Variants in INPP4A observed in about 807,000 individuals in gnomAD.
The protein encoded by INPP4A is inositol polyphosphate-4-phosphatase, type I, 107kD.
Under a neutral mutation model 119.8 loss-of-function variants are expected in INPP4A, and 33 were observed. The ratio of observed to expected loss-of-function variants is 0.28; its 90% CI spans 0.21 to 0.37. INPP4A has a LOEUF of 0.37. Among genes scored for constraint, INPP4A ranks in the 10% least tolerant of loss-of-function variants. INPP4A has a pLI of 1.00. For missense variants in INPP4A, 956 were observed against 1,289.9 expected (o/e 0.74, Z 3.97); for synonymous variants, 496 against 500.7 (o/e 0.99, Z 0.12).
At chr2:98,494,168 C>G (rs1420284453) in intron 1 of INPP4A, among the ~76,000 whole-genome samples, 3 of 152,144 alleles carry the variant, frequency 2.0e-5, no homozygotes, top group Non-Finnish European at 4.4e-5. Flanking sequence ...GTTCCCTTTC[C>G]CCTAAGTTCC....
intron 1 of INPP4A, among the ~76,000 whole-genome samples, chr2:98,499,032 T>C (rs910742140): frequency 6.6e-5 from 10 of 152,236 alleles, no homozygotes; most frequent in African/African-American, 2.4e-4. Context: ...GGAATCTCAA[T>C]GCTCTTTTTG....
At chr2:98,576,417 G>A (rs1338480238) in intron 23 of INPP4A, among the ~76,000 whole-genome samples, 1 of 152,202 alleles carries the variant, frequency 6.6e-6, no homozygotes, top group Non-Finnish European at 1.5e-5. Context: ...ATGGCGGGAG[G>A]AGGCCTGTGG....
In INPP4A at chr2:98,533,406, G is replaced by C. The variant is rs555202243; in HGVS notation, c.181G>C (p.Asp61His). ...CAGTGAGCTGCATACTCCATCGCTA[G>C]ATCGAAAGCCAAATAGTTTTGTTGC... ...ACSELHTPSL[D>H]RKPNSFVAVS... Residue 61 changes from aspartate (D) to histidine (H), a missense_variant, in exon 5 of 25, where the codon GAT becomes CAT. By Grantham distance (81) the Asp-to-His change is moderately conservative. Around this residue, in one of 2 missense-constraint regions of INPP4A, gnomAD observed 652 missense variants for 797.9 expected, o/e 0.82. Transcript: ENST00000409851. The C allele has an allele frequency of 2.5e-6, 4 of 1,613,552 alleles. No homozygotes were observed. In the African/African-American group the frequency reaches 4.0e-5, roughly 16 times the overall value.
chr2:98,558,692 C>G (rs971227724), intron 16 of INPP4A, among the ~76,000 whole-genome samples: 2 of 152,208 alleles, frequency 1.3e-5, no homozygotes, highest in African/African-American at 4.8e-5. Context: ...TAAATGTTTT[C>G]TTCCATGATT....
chr2:98,474,752 G>C (rs1351625829), intron 1 of INPP4A, among the ~76,000 whole-genome samples: 1 of 152,188 alleles, frequency 6.6e-6, no homozygotes, highest in Non-Finnish European at 1.5e-5. Flanking sequence ...ATAGTTACAG[G>C]TTGGTGTTTT....
At chr2:98,553,363 T>TAA (rs1693893123) in intron 14 of INPP4A, among the ~76,000 whole-genome samples, 1 of 151,392 alleles carries the variant, frequency 6.6e-6, no homozygotes, top group Admixed American at 6.6e-5. Flanking sequence ...TATACAGACA[T>TAA]AAGAAGAATA....
chr2:98,559,705 A>G (rs935626534), intron 17 of INPP4A, among the ~76,000 whole-genome samples: 1 of 152,212 alleles, frequency 6.6e-6, no homozygotes, highest in Non-Finnish European at 1.5e-5. Context: ...GCAGACTACC[A>G]CATGTATTTG....
intron 23 of INPP4A, among the ~76,000 whole-genome samples, chr2:98,574,409 A>G (rs1698056411): frequency 6.6e-6 from 1 of 152,100 alleles, no homozygotes; most frequent in South Asian, 2.1e-4. Context: ...AGGCCGAGGT[A>G]GGTGAGTCAG....
chr2:98,548,892 T>G (rs1412463119), intron 13 of INPP4A: 2 of 1,503,546 alleles, frequency 1.3e-6, no homozygotes, highest in African/African-American at 2.8e-5. Context: ...TAATTTTTTG[T>G]TTTTGCATTT....
intron 1 of INPP4A, among the ~76,000 whole-genome samples, chr2:98,465,674 G>A (rs953479085): frequency 6.6e-6 from 1 of 152,292 alleles, no homozygotes; most frequent in South Asian, 2.1e-4. Context: ...AGACTCTGGG[G>A]TAGCTGACTC....
At position 98,546,112 on chromosome 2, in the gene INPP4A, C is replaced by A; in HGVS notation, c.1054+39C>A. On this transcript the variant is annotated intron_variant, in intron 12 of 24. Transcript: ENST00000409851. The surrounding 1 kb of genome is among the most constrained non-coding windows in gnomAD (Gnocchi z 4.2). ...TGCTCCCTCTTGTTGAATCACATTT[C>A]GCTGCTTTTCTCTGTGGGTACTTGG... 1 of 1,389,888 alleles carries A rather than the reference C, an allele frequency of 7.2e-7. No individual in the cohort carries two copies. Among genetic ancestry groups the A allele is most frequent in the Non-Finnish European group, 1.0e-6 (1 of 999,824 alleles). The allele number at this position is 1,389,888 out of a possible 1,614,324, so 86.1% of individuals were successfully genotyped here.
At chr2:98,467,287 T>C (rs1269670243) in intron 1 of INPP4A, among the ~76,000 whole-genome samples, 1 of 152,156 alleles carries the variant, frequency 6.6e-6, no homozygotes, top group Admixed American at 6.5e-5. Flanking sequence ...TACTTCCCAT[T>C]AGGCCCCACT....
intron 4 of INPP4A, among the ~76,000 whole-genome samples, chr2:98,523,720 T>G (rs1022380920): frequency 1.3e-5 from 2 of 151,828 alleles, no homozygotes; most frequent in Admixed American, 1.3e-4. Context: ...AAGCGAGGAG[T>G]GGGAGCTGGA....
intron 1 of INPP4A, among the ~76,000 whole-genome samples, chr2:98,448,919 G>C (rs1193881271): frequency 6.6e-6 from 1 of 152,012 alleles, no homozygotes; most frequent in Non-Finnish European, 1.5e-5. Context: ...TGCCCAGGCT[G>C]GTCTCAGACT....
intron 4 of INPP4A, 126 bp downstream of exon 4, chr2:98,520,857 G>A (rs753432787): frequency 1.3e-5 from 8 of 596,874 alleles, no homozygotes; most frequent in East Asian, 9.0e-5. Flanking sequence ...CTGCTGCAGC[G>A]TTTCTGAGAA....
Position 98,554,565 on chromosome 2 carries a change from C to A in INPP4A, c.1566+76C>A. The A allele has an allele frequency of 7.5e-7, 1 of 1,336,486 alleles. No individual in the cohort carries two copies. Among genetic ancestry groups the A allele is most frequent in the Non-Finnish European group, 1.0e-6 (1 of 962,280 alleles). 82.8% of individuals were successfully genotyped at this position (1,336,486 alleles called of 1,614,324 possible). On this transcript the variant is annotated intron_variant, in intron 15 of 24. Coordinates refer to ENST00000409851, the MANE Select transcript of INPP4A (RefSeq NM_001134225.2). This position sits in a 1 kb window ranked among gnomAD's most constrained non-coding sequence, Gnocchi z 4.7. ...CCACAAAACCTGTTGCCAGTCTCTGCCCCTCTGAAGTGCCTCAAGGTTCAA... is the reference window on the plus strand; with the variant it reads ...CCACAAAACCTGTTGCCAGTCTCTGACCCTCTGAAGTGCCTCAAGGTTCAA...
chr2:98,592,691 G>A lies in INPP4A; in HGVS notation c.*5083G>A, dbSNP rs540010310. On this transcript the variant is annotated 3_prime_UTR_variant, in exon 25 of 25. Coordinates refer to ENST00000409851, the MANE Select transcript of INPP4A (RefSeq NM_001134225.2). ...AGAGAGAGCGCTGGGTTGTACAGAT[G>A]GAAACTTGTGTTTAGCAGGCTGTCT... is the stretch of plus-strand genomic sequence containing the variant. 2.0e-5 allele frequency: 3 copies of A among 152,460 alleles called. No individual in the cohort carries two copies. The highest frequency in any genetic ancestry group is 4.4e-5 in the Non-Finnish European group (3 of 68,122). The allele number at this position is 152,460 out of a possible 1,614,324, so 9.4% of individuals were successfully genotyped here.
Position 98,520,713 on chromosome 2 carries a change from AT to A in INPP4A, c.137del (p.Leu46Ter), listed in dbSNP as rs1382098406. The A allele has an allele frequency of 6.7e-7, 1 of 1,490,644 alleles. No individual in the cohort carries two copies. The highest frequency in any genetic ancestry group is 9.1e-7 in the Non-Finnish European group (1 of 1,097,528). The allele number at this position is 1,490,644 out of a possible 1,614,324, so 92.3% of individuals were successfully genotyped here. ...AAATATACAAGACCCAGATGAGCCC[AT>A]TTTAGAATTTAGCTTAGGTAGGTAT... is the stretch of plus-strand genomic sequence containing the variant. Reference protein sequence around the residue: ...AGNIQDPDEPILEFSLACSEL... With the variant: ...AGNIQDPDEPXLEFSLACSEL... On this transcript the variant is annotated frameshift_variant, in exon 4 of 25. Coordinates refer to ENST00000409851, the MANE Select transcript of INPP4A (RefSeq NM_001134225.2). LOFTEE classifies it high-confidence loss of function.
chr2:98,467,758 A>G (rs1228986836), intron 1 of INPP4A, among the ~76,000 whole-genome samples: 1 of 152,206 alleles, frequency 6.6e-6, no homozygotes, highest in African/African-American at 2.4e-5. Context: ...CGTTTTTCTG[A>G]TTTTAAATTA....
Sources: gnomAD v4.1 joint callset for allele counts (sites outside exome capture counted in the v4.1 genomes callset) on GRCh38, gnomAD v4.1.1 for gene constraint, gnomAD v4.1.1 regional missense constraint, Gnocchi (gnomAD v3.1) non-coding constraint, MANE v1.5 for transcripts, NCBI Gene and HGNC (gene_info 2026-07-23, HGNC 2026-07-21) for gene names.